The following SMYD3 variants were observed in gnomAD, a reference collection of about 807,000 sequenced individuals.
SMYD3 encodes the protein histone-lysine N-methyltransferase SMYD3.
In SMYD3, 36 loss-of-function variants were observed where a neutral mutation model predicts 57.7. The ratio of observed to expected loss-of-function variants is 0.62; its 90% CI spans 0.48 to 0.82. The LOEUF (loss-of-function observed/expected upper bound fraction) is 0.82, where lower values mean the gene tolerates loss of function less well. SMYD3 is among the 40% of genes least tolerant of loss of function. SMYD3 has a pLI of 0.00. For synonymous variants in SMYD3, 211 were observed against 195.0 expected (o/e 1.08, Z -0.68); for missense variants, 515 against 538.8 (o/e 0.96, Z 0.44).
At chr1:246,241,410 G>A (rs2063607294) in intron 5 of SMYD3, among the ~76,000 whole-genome samples, 1 of 152,190 alleles carries the variant, frequency 6.6e-6, no homozygotes, top group South Asian at 2.1e-4. Context: ...ATTTGCGTAT[G>A]TTGAACCAGC....
intron 5 of SMYD3, among the ~76,000 whole-genome samples, chr1:246,156,967 A>G (rs2062031590): frequency 6.6e-6 from 1 of 152,174 alleles, no homozygotes; most frequent in South Asian, 2.1e-4. Flanking sequence ...CGTAGGCACC[A>G]TTCACAAAGA....
At chr1:245,833,542 A>G (rs996432210) in intron 10 of SMYD3, among the ~76,000 whole-genome samples, 5 of 152,236 alleles carry the variant, frequency 3.3e-5, no homozygotes, top group African/African-American at 1.2e-4. Flanking sequence ...TTCTCATTAC[A>G]TCCTATCACA....
intron 5 of SMYD3, among the ~76,000 whole-genome samples, chr1:246,248,631 CTTTCCTTTTTTTT>C (rs1237666784): frequency 1.7e-5 from 2 of 119,270 alleles, no homozygotes; most frequent in African/African-American, 3.4e-5. Context: ...AGCTCTCTGA[CTTTCCTTTTTTTT>C]TTTTTTTTTT....
chr1:246,304,390 G>T lies in SMYD3; in HGVS notation c.531+22811C>A, dbSNP rs904776167. Among the ~76,000 whole-genome samples, 3 of 152,166 alleles carry T rather than the reference G, an allele frequency of 2.0e-5. No individual in the cohort carries two copies. The South Asian group carries it at 6.2e-4, about 32-fold the overall frequency. Reference sequence around the variant, plus strand: ...TTAAAAAACTAGTTCAAAGCACATTGTAAAAATAATAAACATGAAAGACTT... The same window carrying T: ...TTAAAAAACTAGTTCAAAGCACATTTTAAAAATAATAAACATGAAAGACTT... On this transcript the variant is annotated intron_variant, in intron 5 of 11. Transcript: ENST00000490107.
At chr1:245,812,700 C>CAAAA (rs201426225) in intron 10 of SMYD3, among the ~76,000 whole-genome samples, 26 of 46,602 alleles carry the variant, frequency 5.6e-4, no homozygotes, top group East Asian at 1.6e-3. Context: ...AACAACAGTT[C>CAAAA]CAAAAAAAAA....
intron 10 of SMYD3, among the ~76,000 whole-genome samples, chr1:245,857,942 A>G (rs1558428181): frequency 6.6e-6 from 1 of 152,150 alleles, no homozygotes; most frequent in African/African-American, 2.4e-5. Context: ...TAGTTCCTTC[A>G]CCTGACTCAA....
At chr1:246,212,279 T>C (rs552824046) in intron 5 of SMYD3, among the ~76,000 whole-genome samples, 65 of 152,246 alleles carry the variant, frequency 4.3e-4, no homozygotes, top group Middle Eastern at 3.4e-3. Context: ...AAGATATTTA[T>C]TTCTGCTACA....
In SMYD3 at chr1:246,355,348, C is replaced by T. The variant is rs979876394; in HGVS notation, c.165-254G>A. 1.7e-5 allele frequency: 8 copies of T among 470,276 alleles called. No individual in the cohort carries two copies. The highest frequency in any genetic ancestry group is 3.1e-5 in the Non-Finnish European group (8 of 260,568). The allele number at this position is 470,276 out of a possible 1,614,324, so 29.1% of individuals were successfully genotyped here. ...AAGAGGCAGGACCAGCTTGCAGCTC[C>T]CGATCGGACAGACAGAGCAGCGTGT... On this transcript the variant is annotated intron_variant, in intron 1 of 11. Transcript: ENST00000490107. This position sits in a 1 kb window ranked among gnomAD's most constrained non-coding sequence, Gnocchi z 5.0.
chr1:245,985,907 A>G (rs543065208), intron 5 of SMYD3, among the ~76,000 whole-genome samples: 1 of 152,134 alleles, frequency 6.6e-6, no homozygotes, highest in Non-Finnish European at 1.5e-5. Flanking sequence ...CATTACAGCA[A>G]TTACCTGTTT....
At chr1:246,447,967 G>C (rs1028966347) in intron 1 of SMYD3, among the ~76,000 whole-genome samples, 1 of 152,192 alleles carries the variant, frequency 6.6e-6, no homozygotes, top group African/African-American at 2.4e-5. Flanking sequence ...ATGTGTATCT[G>C]TACGTTCTTT....
At chr1:246,293,993 T>G (rs189286395) in intron 5 of SMYD3, among the ~76,000 whole-genome samples, 1 of 152,158 alleles carries the variant, frequency 6.6e-6, no homozygotes, top group African/African-American at 2.4e-5. Context: ...TTTTTCTCCC[T>G]TGGTTTCTAT....
intron 1 of SMYD3, among the ~76,000 whole-genome samples, chr1:246,386,546 T>C (rs1485597689): frequency 6.6e-6 from 1 of 151,958 alleles, no homozygotes; most frequent in East Asian, 1.9e-4. Context: ...ATCCCAGCAC[T>C]TTTGGGAGGC....
rs1228553760 is a variant in SMYD3 at position 246,169,401 on chromosome 1, A to AG, written c.531+157799_531+157800insC. Among the ~76,000 whole-genome samples the AG allele has an allele frequency of 1.6e-3, 243 of 151,474 alleles. 3 individuals carry two copies. Among genetic ancestry groups the AG allele is most frequent in the African/African-American group, 5.5e-3 (226 of 41,366 alleles). On this transcript the variant is annotated intron_variant, in intron 5 of 11. Coordinates refer to ENST00000490107, the MANE Select transcript of SMYD3 (RefSeq NM_001167740.2). ...TCTTTCAAAAAAAAAAAAAAAAAAA[A>AG]AAACCTCTAACAATATATGTGAAAA...
intron 8 of SMYD3, among the ~76,000 whole-genome samples, chr1:245,894,037 G>C (rs1352023663): frequency 6.6e-6 from 1 of 152,346 alleles, no homozygotes; most frequent in Middle Eastern, 3.4e-3. Context: ...ATACAGAGAA[G>C]TCTGCAGAGT....
intron 5 of SMYD3, among the ~76,000 whole-genome samples, chr1:246,159,520 T>C (rs1216975705): frequency 6.6e-6 from 1 of 152,166 alleles, no homozygotes; most frequent in East Asian, 1.9e-4. Flanking sequence ...GCTAAGGAAG[T>C]TTCTTGCTTT....
chr1:246,319,412 T>A (rs1017173829), intron 5 of SMYD3, among the ~76,000 whole-genome samples: 1 of 152,182 alleles, frequency 6.6e-6, no homozygotes, highest in Non-Finnish European at 1.5e-5. Context: ...TAATGGCATA[T>A]TTTTCCTTAA....
At chr1:245,923,936 G>T (rs182716324) in intron 7 of SMYD3, among the ~76,000 whole-genome samples, 13 of 152,316 alleles carry the variant, frequency 8.5e-5, no homozygotes, top group Admixed American at 1.3e-4. Flanking sequence ...TAATGGTTTA[G>T]CAAATAAGAT....
intron 5 of SMYD3, among the ~76,000 whole-genome samples, chr1:246,173,624 A>T (rs1050331368): frequency 6.6e-6 from 1 of 152,130 alleles, no homozygotes; most frequent in South Asian, 2.1e-4. Flanking sequence ...ACAAACACAC[A>T]CATTAGTCTA....
chr1:246,080,879 T>G (rs1474020230), intron 5 of SMYD3, among the ~76,000 whole-genome samples: 1 of 152,148 alleles, frequency 6.6e-6, no homozygotes, highest in African/African-American at 2.4e-5. Flanking sequence ...CACTAGGTAG[T>G]CAACAGTAGC....
Sources: allele counts gnomAD v4.1 joint callset (sites outside exome capture counted in the v4.1 genomes callset), GRCh38; gene constraint gnomAD v4.1.1; non-coding constraint Gnocchi (gnomAD v3.1); transcripts MANE v1.5; gene names NCBI Gene and HGNC (gene_info 2026-07-23, HGNC 2026-07-21).